Variants in PTGFR observed in about 807,000 individuals in gnomAD.
The protein encoded by PTGFR is prostaglandin F receptor, also known as prostaglandin F2-alpha receptor.
Under a neutral mutation model 26.2 loss-of-function variants are expected in PTGFR, and 15 were observed. The ratio of observed to expected loss-of-function variants is 0.57; its 90% CI spans 0.38 to 0.88. The LOEUF is 0.88. PTGFR is among the 40% of genes least tolerant of loss of function. The pLI is 0.00. For synonymous variants in PTGFR, 165 were observed against 151.1 expected, an observed-to-expected ratio of 1.09 and a Z score of -0.68; for missense variants, 369 against 427.2, an observed-to-expected ratio of 0.86 and a Z score of 1.20.
At chr1:78,506,917 T>C (rs778904810) in intron 2 of PTGFR, among the ~76,000 whole-genome samples, 1 of 152,184 alleles carries the variant, frequency 6.6e-6, no homozygotes, top group South Asian at 2.1e-4. Context: ...CCGCATTCTA[T>C]TGTATTCCTC....
chr1:78,521,938 T>C, intron 2 of PTGFR, among the ~76,000 whole-genome samples: 1 of 152,122 alleles, frequency 6.6e-6, no homozygotes, highest in East Asian at 1.9e-4. Context: ...AGCGCTCATC[T>C]TATCTCACAG....
At chr1:78,511,598 C>T (rs1265614143) in intron 2 of PTGFR, among the ~76,000 whole-genome samples, 1 of 152,166 alleles carries the variant, frequency 6.6e-6, no homozygotes, top group Non-Finnish European at 1.5e-5. Flanking sequence ...GAGGGAGCTG[C>T]CTCAAAGACT....
At chr1:78,512,472 G>A (rs1649995472) in intron 2 of PTGFR, among the ~76,000 whole-genome samples, 1 of 151,812 alleles carries the variant, frequency 6.6e-6, no homozygotes, top group Non-Finnish European at 1.5e-5. Flanking sequence ...AGGTGAGAGA[G>A]GGAGCAGGAA....
At chr1:78,503,971 G>A (rs955167170) in intron 2 of PTGFR, among the ~76,000 whole-genome samples, 13 of 152,152 alleles carry the variant, frequency 8.5e-5, no homozygotes, top group African/African-American at 3.1e-4. Context: ...CATGAGTGAA[G>A]GAGAAACAGA....
chr1:78,493,885 C>A (rs1649478766), intron 2 of PTGFR, among the ~76,000 whole-genome samples: 1 of 145,632 alleles, frequency 6.9e-6, no homozygotes, highest in Non-Finnish European at 1.6e-5. Context: ...GAACAGATTG[C>A]AGTAAGTCTT....
intron 2 of PTGFR, among the ~76,000 whole-genome samples, chr1:78,508,248 A>G (rs1649872652): frequency 6.6e-6 from 1 of 152,122 alleles, no homozygotes. Context: ...TTCATGCATC[A>G]TATGTCTATT....
intron 2 of PTGFR, among the ~76,000 whole-genome samples, chr1:78,529,752 C>T (rs567696409): frequency 1.5e-4 from 23 of 152,218 alleles, no homozygotes; most frequent in African/African-American, 5.5e-4. Flanking sequence ...GGTCCCCAAC[C>T]CCCAGGCCCA....
chr1:78,505,050 A>G (rs753450837), intron 2 of PTGFR, among the ~76,000 whole-genome samples: 1 of 152,060 alleles, frequency 6.6e-6, no homozygotes, highest in Non-Finnish European at 1.5e-5. Context: ...TTTTGAATAA[A>G]AATTTTGTAA....
At chr1:78,507,684 T>C (rs1206575859) in intron 2 of PTGFR, among the ~76,000 whole-genome samples, 2 of 152,192 alleles carry the variant, frequency 1.3e-5, no homozygotes, top group African/African-American at 4.8e-5. Context: ...TAGAATTTGA[T>C]TGACATTTTG....
intron 2 of PTGFR, among the ~76,000 whole-genome samples, chr1:78,536,133 A>T (rs1270796264): frequency 6.6e-6 from 1 of 152,126 alleles, no homozygotes; most frequent in Non-Finnish European, 1.5e-5. Flanking sequence ...TACTGGTATC[A>T]GTGTTTGTTC....
intron 2 of PTGFR, 40 bp from the exon 3 acceptor site, chr1:78,536,366 A>G: frequency 1.3e-6 from 2 of 1,559,300 alleles, no homozygotes; most frequent in Non-Finnish European, 1.7e-6. Flanking sequence ...AGGATTGAAA[A>G]GGCTGCATCA....
At chr1:78,506,690 C>A (rs1649835052) in intron 2 of PTGFR, among the ~76,000 whole-genome samples, 1 of 151,726 alleles carries the variant, frequency 6.6e-6, no homozygotes, top group Admixed American at 6.6e-5. Context: ...AATGTAATAA[C>A]CTAATAAATA....
intron 2 of PTGFR, among the ~76,000 whole-genome samples, chr1:78,519,816 C>T (rs925203420): frequency 3.9e-5 from 6 of 152,068 alleles, no homozygotes; most frequent in African/African-American, 1.4e-4. Flanking sequence ...ATATACATTG[C>T]GGTGTCTGGT....
intron 2 of PTGFR, among the ~76,000 whole-genome samples, chr1:78,510,226 A>G (rs963604813): frequency 6.6e-6 from 1 of 152,150 alleles, no homozygotes; most frequent in Admixed American, 6.5e-5. Flanking sequence ...GCATTAGTGC[A>G]TTTTTGCATG....
At chr1:78,529,882 C>T (rs1650462820) in intron 2 of PTGFR, among the ~76,000 whole-genome samples, 1 of 152,058 alleles carries the variant, frequency 6.6e-6, no homozygotes, top group Non-Finnish European at 1.5e-5. Context: ...GAGCACAAAC[C>T]CTACTGTGAA....
At chr1:78,504,055 G>A (rs530282087) in intron 2 of PTGFR, among the ~76,000 whole-genome samples, 2 of 152,250 alleles carry the variant, frequency 1.3e-5, no homozygotes, top group South Asian at 4.1e-4. Flanking sequence ...GCACTCTCAT[G>A]TTTTGGGAAC....
intron 2 of PTGFR, among the ~76,000 whole-genome samples, chr1:78,533,573 C>G (rs576701146): frequency 2.9e-4 from 44 of 152,276 alleles, no homozygotes; most frequent in African/African-American, 1.1e-3. Context: ...GGCGGTAGTG[C>G]CATCTAGCAC....
intron 2 of PTGFR, among the ~76,000 whole-genome samples, chr1:78,517,202 G>T (rs1342677410): frequency 6.6e-6 from 1 of 152,086 alleles, no homozygotes; most frequent in Non-Finnish European, 1.5e-5. Context: ...AATGAGTTTA[G>T]AAATACTCAT....
intron 2 of PTGFR, among the ~76,000 whole-genome samples, chr1:78,504,455 G>A (rs1175280745): frequency 6.6e-6 from 1 of 152,016 alleles, no homozygotes; most frequent in Admixed American, 6.5e-5. Flanking sequence ...TGTTTGGATA[G>A]CAAAGAACAG....
Sources: allele counts gnomAD v4.1 joint callset (sites outside exome capture counted in the v4.1 genomes callset), GRCh38; gene constraint gnomAD v4.1.1; transcripts MANE v1.5; gene names NCBI Gene and HGNC (gene_info 2026-07-23, HGNC 2026-07-21).